The following KHDRBS2 variants were observed in gnomAD, a reference collection of about 807,000 sequenced individuals.
KHDRBS2 encodes the protein KH RNA binding domain containing, signal transduction associated 2.
KHDRBS2 carries 26 observed loss-of-function variants against 44.3 expected under a neutral mutation model. The observed-to-expected ratio is 0.59, with a 90% CI of 0.43 to 0.81. KHDRBS2 has a LOEUF of 0.81. KHDRBS2 is among the 40% of genes least tolerant of loss of function. The pLI, the probability that KHDRBS2 is intolerant of heterozygous loss-of-function variation, is 0.00. For missense variants in KHDRBS2, 476 were observed against 433.1 expected (o/e 1.10, Z -0.88); for synonymous variants, 194 against 151.1 (o/e 1.28, Z -2.08).
chr6:62,025,588 T>A (rs540001571), intron 3 of KHDRBS2, among the ~76,000 whole-genome samples: 1 of 152,096 alleles, frequency 6.6e-6, no homozygotes, highest in East Asian at 1.9e-4. Context: ...TTTACAATAA[T>A]CCTTTTGCTT....
At chr6:61,682,429 AC>A (rs1187852969) in intron 8 of KHDRBS2, among the ~76,000 whole-genome samples, 15 of 151,886 alleles carry the variant, frequency 9.9e-5, no homozygotes, top group African/African-American at 3.6e-4. Flanking sequence ...AATAAATATA[AC>A]AAATGTTCCC....
At chr6:61,641,689 A>T in the KHDRBS2 span, among the ~76,000 whole-genome samples, 1 of 152,162 alleles carries the variant, frequency 6.6e-6, no homozygotes, top group African/African-American at 2.4e-5. Context: ...CTTTGAAAAC[A>T]CAACTGATCT....
the KHDRBS2 span, among the ~76,000 whole-genome samples, chr6:61,606,895 T>C: frequency 6.6e-6 from 1 of 152,212 alleles, no homozygotes; most frequent in Non-Finnish European, 1.5e-5. Context: ...AAGTATATTA[T>C]GGGGTTTAAT....
Position 61,697,163 on chromosome 6 carries a change from A to T in KHDRBS2, c.952+32T>A, listed in dbSNP as rs376353430. ...TTGTCGGTGACTGATGGATGTTCCG[A>T]TTTCACAGTTTTAGTAAAGAAAAGG... On this transcript the variant is annotated intron_variant, in intron 8 of 8. Transcript: ENST00000281156. 3.8e-4 allele frequency: 541 copies of T among 1,418,766 alleles called. 1 individual carries two copies. Among genetic ancestry groups the T allele is most frequent in the Middle Eastern group, 5.2e-4 (3 of 5,722 alleles). The allele number at this position is 1,418,766 out of a possible 1,614,324, so 87.9% of individuals were successfully genotyped here. A position where few individuals can be genotyped will look rare whatever the true frequency, so the allele number is the denominator to read the frequency against.
chr6:61,886,991 G>C (rs182268747), intron 6 of KHDRBS2, among the ~76,000 whole-genome samples: 3 of 152,280 alleles, frequency 2.0e-5, no homozygotes, highest in Admixed American at 2.0e-4. Flanking sequence ...TAGTGGTCTA[G>C]ATGGGAGTAT....
At chr6:61,970,482 G>A (rs1017540484) in intron 4 of KHDRBS2, among the ~76,000 whole-genome samples, 6 of 152,062 alleles carry the variant, frequency 3.9e-5, no homozygotes, top group Non-Finnish European at 8.8e-5. Context: ...ACCAAGTTAA[G>A]TACACAGAAG....
chr6:62,026,704 C>A (rs115343498), intron 3 of KHDRBS2, among the ~76,000 whole-genome samples: 1 of 151,802 alleles, frequency 6.6e-6, no homozygotes, highest in African/African-American at 2.4e-5. Flanking sequence ...AGGTGTGAGC[C>A]CCCAAGCCCA....
intron 3 of KHDRBS2, among the ~76,000 whole-genome samples, chr6:62,015,323 AT>A (rs1781020957): frequency 3.3e-5 from 5 of 152,130 alleles, no homozygotes; most frequent in Admixed American, 3.3e-4. Flanking sequence ...TAAAGTTCAT[AT>A]TGTTTGAAAG....
chr6:61,803,548 A>T (rs1163869340), intron 6 of KHDRBS2, among the ~76,000 whole-genome samples: 2 of 152,176 alleles, frequency 1.3e-5, no homozygotes, highest in Non-Finnish European at 2.9e-5. Flanking sequence ...TAATCTTCAA[A>T]ATAATACTAT....
chr6:61,758,428 A>G (rs182684242), intron 6 of KHDRBS2, among the ~76,000 whole-genome samples: 16 of 151,970 alleles, frequency 1.1e-4, no homozygotes, highest in South Asian at 8.3e-4. Flanking sequence ...TGTTTGACAA[A>G]TAGGTTCTTT....
intron 1 of KHDRBS2, among the ~76,000 whole-genome samples, chr6:62,199,657 G>A (rs1277149693): frequency 2.6e-5 from 4 of 152,146 alleles, no homozygotes; most frequent in African/African-American, 9.7e-5. Context: ...CGGCCATACT[G>A]CCCAAGGTAA....
the KHDRBS2 span, among the ~76,000 whole-genome samples, chr6:61,590,512 C>T: frequency 0.057 from 8,746 of 152,154 alleles, 421 homozygotes; most frequent in African/African-American, 0.12. Flanking sequence ...CTATTAAAGA[C>T]TCAAACATGA....
intron 6 of KHDRBS2, among the ~76,000 whole-genome samples, chr6:61,793,343 T>C (rs1784878902): frequency 6.6e-6 from 1 of 152,054 alleles, no homozygotes; most frequent in African/African-American, 2.4e-5. Context: ...TTTTTATCTG[T>C]TGATACACAA....
At chr6:62,242,718 A>G (rs1428920069) in intron 1 of KHDRBS2, among the ~76,000 whole-genome samples, 2 of 152,162 alleles carry the variant, frequency 1.3e-5, no homozygotes, top group Non-Finnish European at 2.9e-5. Flanking sequence ...AAAAAAGAAA[A>G]ATATATTTCC....
intron 7 of KHDRBS2, among the ~76,000 whole-genome samples, chr6:61,712,309 A>T (rs1423707417): frequency 3.3e-5 from 5 of 151,760 alleles, no homozygotes; most frequent in Non-Finnish European, 7.4e-5. Flanking sequence ...AGCCAAGAAT[A>T]CTCTACCGCA....
intron 1 of KHDRBS2, among the ~76,000 whole-genome samples, chr6:62,232,190 A>T (rs1832999454): frequency 6.6e-6 from 1 of 152,166 alleles, no homozygotes; most frequent in Non-Finnish European, 1.5e-5. Flanking sequence ...CAGATACAAT[A>T]ACACTGTAAT....
chr6:62,182,983 C>T (rs181666783), intron 1 of KHDRBS2, among the ~76,000 whole-genome samples: 78 of 151,624 alleles, frequency 5.1e-4, no homozygotes, highest in Non-Finnish European at 9.9e-4. Flanking sequence ...GATTTTTTTC[C>T]TGCAACAAAA....
At chr6:61,829,871 C>A (rs1191215402) in intron 6 of KHDRBS2, among the ~76,000 whole-genome samples, 1 of 152,082 alleles carries the variant, frequency 6.6e-6, no homozygotes, top group East Asian at 1.9e-4. Flanking sequence ...GGTGTCATGG[C>A]CAGATTACTC....
intron 7 of KHDRBS2, among the ~76,000 whole-genome samples, chr6:61,703,786 C>T (rs1044682491): frequency 2.6e-5 from 4 of 151,904 alleles, no homozygotes; most frequent in African/African-American, 9.7e-5. Context: ...TCATGGTATT[C>T]ACTAAACACT....
Sources: gnomAD v4.1 joint callset for allele counts (sites outside exome capture counted in the v4.1 genomes callset) on GRCh38, gnomAD v4.1.1 for gene constraint, MANE v1.5 for transcripts, NCBI Gene and HGNC (gene_info 2026-07-23, HGNC 2026-07-21) for gene names.